The following PIK3C2B variants were observed in gnomAD, a reference collection of about 807,000 sequenced individuals.
PIK3C2B encodes phosphatidylinositol-4-phosphate 3-kinase catalytic subunit type 2 beta.
PIK3C2B carries 83 observed loss-of-function variants against 184.3 expected under a neutral mutation model. That is an observed-to-expected ratio of 0.45 (90% CI 0.38 to 0.54). PIK3C2B has a LOEUF of 0.54. Ranked by LOEUF, PIK3C2B falls within the 20% of genes least tolerant of loss-of-function variation. PIK3C2B has a pLI of 0.00. For missense variants in PIK3C2B, 1,736 were observed against 2,113.5 expected, an observed-to-expected ratio of 0.82 and a Z score of 3.50; for synonymous variants, 779 against 837.6, an observed-to-expected ratio of 0.93 and a Z score of 1.21.
At chr1:204,457,189 G>T in intron 9 of PIK3C2B, 119 bp from the exon 10 acceptor site, 1 of 773,906 alleles carries the variant, frequency 1.3e-6, no homozygotes, top group Non-Finnish European at 2.1e-6. Context: ...AATGTGAGTA[G>T]CTGAGAATCC....
chr1:204,464,330 AG>A, intron 4 of PIK3C2B, 119 bp downstream of exon 4: 1 of 1,168,886 alleles, frequency 8.6e-7, no homozygotes, highest in African/African-American at 1.5e-5. Flanking sequence ...TCACCCCCAA[AG>A]GAGCATCCTC....
Position 204,470,961 on chromosome 1 carries a change from C to T in PIK3C2B, c.-84-1075G>A, listed in dbSNP as rs550383121. Reference sequence around the variant, plus strand: ...TCTATAATGACAGAAAGCAGATCAGCGGTATCTGGGGGACAGAGTGGAAAG... The same window carrying T: ...TCTATAATGACAGAAAGCAGATCAGTGGTATCTGGGGGACAGAGTGGAAAG... On this transcript the variant is annotated intron_variant, in intron 1 of 32. Transcript: ENST00000684373. Among the ~76,000 whole-genome samples the T allele has an allele frequency of 1.2e-3, 178 of 152,324 alleles. 6 individuals carry two copies. The highest frequency in any genetic ancestry group is 3.8e-3 in the African/African-American group (156 of 41,564).
At chr1:204,487,579 T>C (rs1170621734) in intron 1 of PIK3C2B, among the ~76,000 whole-genome samples, 2 of 152,164 alleles carry the variant, frequency 1.3e-5, no homozygotes. Context: ...TGGAGGCTGT[T>C]TGAAGGCAAA....
At position 204,454,654 on chromosome 1, in the gene PIK3C2B, G is replaced by A. The variant is rs369510485; in HGVS notation, c.2066+15C>T. 3.7e-6 allele frequency: 6 copies of A among 1,611,354 alleles called. No homozygotes were observed. In the African/African-American group the frequency reaches 6.7e-5, roughly 18 times the overall value. Reference sequence around the variant, plus strand: ...TACAGTGGCCTGGGCACTGAAGCCTGGGGGAAGGGCTTACTGCTGGTCCCA... The same window carrying A: ...TACAGTGGCCTGGGCACTGAAGCCTAGGGGAAGGGCTTACTGCTGGTCCCA... On this transcript the variant is annotated intron_variant, in intron 12 of 32. Transcript: ENST00000684373.
In PIK3C2B at chr1:204,446,073, G is replaced by C; in HGVS notation, c.2561C>G (p.Pro854Arg). Reference protein sequence around the residue: ...YYCHSEVSSLPLVLASAPSWE... With the variant: ...YYCHSEVSSLRLVLASAPSWE... ...GCTGGGGGCGCTGGCGAGCACCAGG[G>C]GGAGCGAGCTCACCTCCGAGTGGCA... The change falls in exon 16 of 33, where the codon CCC becomes CGC. Residue 854 changes from proline (P) to arginine (R), a missense_variant. Physicochemically the swap from Pro to Arg is moderately radical, Grantham distance 103 (BLOSUM62 -2). Coordinates refer to ENST00000684373, the MANE Select transcript of PIK3C2B (RefSeq NM_001377334.1). 1 of 1,599,564 alleles carries C rather than the reference G, an allele frequency of 6.3e-7. No individual in the cohort carries two copies. Among genetic ancestry groups the C allele is most frequent in the South Asian group, 1.1e-5 (1 of 89,450 alleles).
chr1:204,449,975 T>G lies in PIK3C2B; in HGVS notation c.2109A>C (p.Thr703=). Residue 703 remains threonine (T), a synonymous_variant, in exon 13 of 33, where the codon ACA becomes ACC. Transcript: ENST00000684373. ...GAGCATAGAGAGTGGCACACAGCAG[T>G]GTCTCCCGAGGCAGCCGGTTCACCT... ...PVQVNRLPRE[T]LLCATLYALP... The G allele has an allele frequency of 1.9e-6, 3 of 1,600,894 alleles. No individual in the cohort carries two copies. Among genetic ancestry groups the G allele is most frequent in the Non-Finnish European group, 2.6e-6 (3 of 1,173,624 alleles).
Position 204,433,241 on chromosome 1 carries a change from C to T in PIK3C2B, c.3953+75G>A. On this transcript the variant is annotated intron_variant, in intron 26 of 32. Coordinates refer to ENST00000684373, the MANE Select transcript of PIK3C2B (RefSeq NM_001377334.1). This position sits in a 1 kb window ranked among gnomAD's most constrained non-coding sequence, Gnocchi z 5.0. The stretch of plus-strand genomic sequence containing the variant: ...GCTAAGCTTTTCACCTTTCCCCAGT[C>T]CTCCTCCTGCCAATCCGGCAGGCTG... 1 of 809,422 alleles carries T rather than the reference C, an allele frequency of 1.2e-6. No homozygotes were observed. The highest frequency in any genetic ancestry group is 2.1e-6 in the Non-Finnish European group (1 of 477,224). The allele number at this position is 809,422 out of a possible 1,614,324, so 50.1% of individuals were successfully genotyped here. A position where few individuals can be genotyped will look rare whatever the true frequency, so the allele number is the denominator to read the frequency against.
intron 2 of PIK3C2B, among the ~76,000 whole-genome samples, chr1:204,467,529 T>C (rs1012641827): frequency 1.3e-5 from 2 of 152,126 alleles, no homozygotes; most frequent in South Asian, 2.1e-4. Context: ...AGTAGAATGC[T>C]AAGCTGTCAC....
At chr1:204,454,859 C>G in intron 11 of PIK3C2B, 68 bp from the exon 12 acceptor site, 2 of 1,530,486 alleles carry the variant, frequency 1.3e-6, no homozygotes, top group Non-Finnish European at 1.8e-6. Flanking sequence ...CTATGCGTCC[C>G]TCTAAGGCCA....
intron 22 of PIK3C2B, among the ~76,000 whole-genome samples, chr1:204,439,966 G>T (rs1430857628): frequency 6.6e-6 from 1 of 152,126 alleles, no homozygotes; most frequent in African/African-American, 2.4e-5. Flanking sequence ...TTTTAATCAG[G>T]ATCCAAAGTC....
Position 204,494,713 on chromosome 1 carries a change from A to T in PIK3C2B, c.-442T>A, listed in dbSNP as rs1314913248. Reference sequence around the variant, plus strand: ...AGAGAGGGGAAGCCATCTCCCGGACACCCGGCGCACTGCACGGCGACGCGA... The same window carrying T: ...AGAGAGGGGAAGCCATCTCCCGGACTCCCGGCGCACTGCACGGCGACGCGA... On this transcript the variant is annotated 5_prime_UTR_variant, in exon 1 of 33. Transcript: ENST00000684373. 4 of 152,068 alleles carry T rather than the reference A, an allele frequency of 2.6e-5. No individual in the cohort carries two copies. Among genetic ancestry groups the T allele is most frequent in the Non-Finnish European group, 5.9e-5 (4 of 68,072 alleles). The allele number at this position is 152,068 out of a possible 1,614,324, so 9.4% of individuals were successfully genotyped here.
intron 1 of PIK3C2B, 86 bp downstream of exon 1, chr1:204,494,270 G>A (rs1016774104): frequency 1.3e-5 from 2 of 152,366 alleles, no homozygotes; most frequent in African/African-American, 4.8e-5. Context: ...ATGTTGGAGG[G>A]AGAGCCCCCT....
rs200810886 is a variant in PIK3C2B at position 204,468,870 on chromosome 1, C to A, written c.933G>T (p.Pro311=). Reference sequence around the variant, plus strand: ...AGAAGAAACACAAGAAGGTCCTCACCGGGGCTGCAGAAATCCGGCGGTTCT... The same window carrying A: ...AGAAGAAACACAAGAAGGTCCTCACAGGGGCTGCAGAAATCCGGCGGTTCT... ...PGKNRRISAA[P]VGSRPHTVAN... The change falls in exon 2 of 33, where the codon CCG becomes CCT. Residue 311 remains proline, a splice_region_variant and synonymous_variant. Transcript: ENST00000684373. The A allele has an allele frequency of 1.1e-4, 173 of 1,577,532 alleles. 1 individual carries two copies. The East Asian group carries it at 3.4e-3, about 31-fold the overall frequency.
In PIK3C2B at chr1:204,450,847, AC is replaced by A. The variant is rs1309082861; in HGVS notation, c.2067-831del. On this transcript the variant is annotated intron_variant, in intron 12 of 32. Transcript: ENST00000684373. ...AGCTGTGGAAAGGCAGGGAGGACCCACGTTACCTTTCGGGGAAGCTGTCCCT... is the reference window on the plus strand; with the variant it reads ...AGCTGTGGAAAGGCAGGGAGGACCCAGTTACCTTTCGGGGAAGCTGTCCCT... 2.0e-5 allele frequency among the ~76,000 whole-genome samples: 3 copies of A among 152,166 alleles called. No individual in the cohort carries two copies. The East Asian group carries it at 5.8e-4, about 29-fold the overall frequency.
intron 28 of PIK3C2B, among the ~76,000 whole-genome samples, chr1:204,430,460 C>T (rs1010699070): frequency 6.6e-6 from 1 of 152,134 alleles, no homozygotes; most frequent in Admixed American, 6.5e-5. Context: ...ATTCTCCTGC[C>T]TCAGCCTCCC....
chr1:204,481,223 CAGAAG>C (rs1657113668), intron 1 of PIK3C2B, among the ~76,000 whole-genome samples: 1 of 151,510 alleles, frequency 6.6e-6, no homozygotes, highest in South Asian at 2.1e-4. Context: ...CCAGCTCTCC[CAGAAG>C]AGAAGAGAGG....
intron 1 of PIK3C2B, among the ~76,000 whole-genome samples, chr1:204,486,114 T>A (rs1657563783): frequency 6.6e-6 from 1 of 152,162 alleles, no homozygotes. Context: ...TTAAGAATAA[T>A]GCTGGCCATG....
rs1195780899 is a variant in PIK3C2B, at chr1:204,450,026, G to A, written c.2067-9C>T. 6.5e-7 allele frequency: 1 copy of A among 1,543,686 alleles called. No homozygotes were observed. Among genetic ancestry groups the A allele is most frequent in the Middle Eastern group, 1.7e-4 (1 of 5,942 alleles). On this transcript the variant is annotated splice_polypyrimidine_tract_variant and intron_variant, in intron 12 of 32. Coordinates refer to ENST00000684373, the MANE Select transcript of PIK3C2B (RefSeq NM_001377334.1). ...GCACTGGGAAGCAGATCCTATGGAG[G>A]ACAGGAAGTCAAATTAGGAGGGGCC... is the stretch of plus-strand genomic sequence containing the variant.
chr1:204,457,703 C>A, intron 9 of PIK3C2B, 25 bp downstream of exon 9: 1 of 1,582,152 alleles, frequency 6.3e-7, no homozygotes, highest in South Asian at 1.2e-5. Context: ...TTCCTTTCCC[C>A]TGCTAGCACC....
Sources: gnomAD v4.1 joint callset for allele counts (sites outside exome capture counted in the v4.1 genomes callset) on GRCh38, gnomAD v4.1.1 for gene constraint, Gnocchi (gnomAD v3.1) non-coding constraint, MANE v1.5 for transcripts, NCBI Gene and HGNC (gene_info 2026-07-23, HGNC 2026-07-21) for gene names.